TEX14: variants seen among roughly 807,000 people sequenced by gnomAD.
The protein encoded by TEX14 is testis expressed 14, intercellular bridge forming factor, also known as inactive serine/threonine-protein kinase TEX14.
A neutral mutation model predicts 178.6 loss-of-function variants in TEX14; 168 were observed. That is an observed-to-expected ratio of 0.94 (90% confidence interval 0.83 to 1.07). TEX14 has a LOEUF of 1.07. Ranked by LOEUF, TEX14 falls within the 50% of genes least tolerant of loss-of-function variation. The pLI is 0.00. For synonymous variants in TEX14, 626 were observed against 634.1 expected, an observed-to-expected ratio of 0.99 and a Z score of 0.19; for missense variants, 1,730 against 1,753.6, an observed-to-expected ratio of 0.99 and a Z score of 0.24.
intron 5 of TEX14, among the ~76,000 whole-genome samples, chr17:58,621,107 C>G (rs2045987389): frequency 6.6e-6 from 1 of 152,190 alleles, no homozygotes; most frequent in Non-Finnish European, 1.5e-5. Context: ...AAATGACACT[C>G]CTCCCTTCCA....
chr17:58,656,942 A>G (rs1186438212), intron 1 of TEX14, among the ~76,000 whole-genome samples: 2,510 of 149,852 alleles, frequency 0.017, 80 homozygotes, highest in African/African-American at 0.058. Context: ...AAAAAAAAAA[A>G]AAAAAAAGAA....
intron 19 of TEX14, among the ~76,000 whole-genome samples, chr17:58,580,375 G>A (rs376684977): frequency 6.6e-6 from 1 of 152,016 alleles, no homozygotes; most frequent in Non-Finnish European, 1.5e-5. Context: ...GCAGTGGCAC[G>A]ATCTCAGCTC....
chr17:58,614,324 T>C (rs1160352451), intron 8 of TEX14, among the ~76,000 whole-genome samples: 4 of 152,104 alleles, frequency 2.6e-5, no homozygotes, highest in Non-Finnish European at 5.9e-5. Context: ...ACCCTGTCTC[T>C]ACTGAAAATA....
chr17:58,611,979 G>T (rs2045755924), intron 9 of TEX14, among the ~76,000 whole-genome samples: 1 of 152,148 alleles, frequency 6.6e-6, no homozygotes, highest in South Asian at 2.1e-4. Context: ...AGCCCTTCTT[G>T]GGGTCTCCTT....
intron 15 of TEX14, 41 bp from the exon 16 acceptor site, chr17:58,588,062 A>G (rs2045026042): frequency 1.3e-6 from 1 of 797,056 alleles, no homozygotes; most frequent in African/African-American, 1.7e-5. Flanking sequence ...CTCTAAGAGT[A>G]TTTTTAGTTT....
rs1361038893 is a variant in TEX14, at chr17:58,557,168, T to C, written c.4320-121A>G. ...AATTCAAGGGAAAGGAATTTTGGTC[T>C]TTATAATCAAGGGCGATTATAACCA... On this transcript the variant is annotated intron_variant, in intron 31 of 31. Transcript: ENST00000349033. 1.9e-5 allele frequency: 16 copies of C among 843,650 alleles called. No homozygotes were observed. The East Asian group carries it at 3.8e-4, about 20-fold the overall frequency. 52.3% of individuals were successfully genotyped at this position (843,650 alleles called of 1,614,324 possible).
intron 1 of TEX14, among the ~76,000 whole-genome samples, chr17:58,684,234 G>A (rs549650606): frequency 6.6e-6 from 1 of 151,882 alleles, no homozygotes; most frequent in Non-Finnish European, 1.5e-5. Context: ...GGCCTTGGCG[G>A]GTGGATCACC....
chr17:58,639,694 G>A (rs888113595), intron 2 of TEX14, among the ~76,000 whole-genome samples: 1 of 152,144 alleles, frequency 6.6e-6, no homozygotes, highest in African/African-American at 2.4e-5. Context: ...TGGTAAAGGT[G>A]CCTGGTCCCA....
chr17:58,585,258 T>C (rs1156357599), intron 18 of TEX14, among the ~76,000 whole-genome samples: 4 of 152,176 alleles, frequency 2.6e-5, no homozygotes, highest in African/African-American at 7.2e-5. Flanking sequence ...CAAAGGGACC[T>C]GTTTCAGTAA....
chr17:58,602,442 C>G lies in TEX14; in HGVS notation c.1485G>C (p.Met495Ile), dbSNP rs762155437. 5.6e-6 allele frequency: 9 copies of G among 1,613,926 alleles called. No individual in the cohort carries two copies. Among genetic ancestry groups the G allele is most frequent in the Middle Eastern group, 1.6e-4 (1 of 6,084 alleles). ...GAATATACCGGATATCTTGAAGGTT[C>G]ATAGTTCGGTCTTTCTGCTTGACGT... Reference protein sequence around the residue: ...GIHVKQKDRTMNLQDIRYILK... With the variant: ...GIHVKQKDRTINLQDIRYILK... The change falls in exon 12 of 32, where the codon ATG becomes ATC. Residue 495 changes from methionine to isoleucine, a missense_variant. Met to Ile is a conservative substitution (Grantham distance 10, BLOSUM62 1). This residue lies in a region of TEX14 where 789 missense variants were observed against 681.2 expected (regional missense o/e 1.16). Transcript: ENST00000349033.
intron 5 of TEX14, among the ~76,000 whole-genome samples, chr17:58,618,610 C>T (rs997811507): frequency 3.3e-5 from 5 of 152,240 alleles, no homozygotes; most frequent in African/African-American, 9.6e-5. Context: ...AAAGATCCTA[C>T]TGCCACCAGA....
At chr17:58,627,880 T>C (rs1243768928) in intron 3 of TEX14, among the ~76,000 whole-genome samples, 1 of 148,312 alleles carries the variant, frequency 6.7e-6, no homozygotes, top group Non-Finnish European at 1.5e-5. Flanking sequence ...CACGGGTATA[T>C]GCAAACATCA....
At chr17:58,630,105 G>A (rs2046252005) in intron 3 of TEX14, among the ~76,000 whole-genome samples, 1 of 150,874 alleles carries the variant, frequency 6.6e-6, no homozygotes, top group African/African-American at 2.4e-5. Context: ...TGCCCAGGCT[G>A]GGGTACAATG....
At position 58,663,777 on chromosome 17, in the gene TEX14, C is replaced by G. The variant is rs536412949; in HGVS notation, c.-1-11775G>C. ...GCCAATGTGCCAGGCCACTAAATGT[C>G]TTACTCAACACCCTGAGTTGTGGGG... On this transcript the variant is annotated intron_variant, in intron 1 of 31. Coordinates refer to ENST00000349033, the MANE Select transcript of TEX14 (RefSeq NM_031272.5). 2.0e-5 allele frequency among the ~76,000 whole-genome samples: 3 copies of G among 152,262 alleles called. No individual in the cohort carries two copies. The South Asian group carries it at 6.2e-4, about 32-fold the overall frequency.
In TEX14 at chr17:58,617,442, G is replaced by A. The variant is rs569496727; in HGVS notation, c.636+96C>T. ...AAAGAAAAGAACAACACTTTGGTGAGGATAAGGAGGCAGGAGTTGGACAAA... is the reference window on the plus strand; with the variant it reads ...AAAGAAAAGAACAACACTTTGGTGAAGATAAGGAGGCAGGAGTTGGACAAA... On this transcript the variant is annotated intron_variant, in intron 6 of 31. Transcript: ENST00000349033. 8.6e-5 allele frequency: 73 copies of A among 848,562 alleles called. 1 individual carries two copies. The South Asian group carries it at 8.8e-4, about 10-fold the overall frequency. 52.6% of individuals were successfully genotyped at this position (848,562 alleles called of 1,614,324 possible). A position where few individuals can be genotyped will look rare whatever the true frequency, so the allele number is the denominator to read the frequency against.
chr17:58,563,192 C>T (rs944736475), intron 28 of TEX14, among the ~76,000 whole-genome samples: 5 of 152,082 alleles, frequency 3.3e-5, no homozygotes, highest in South Asian at 4.2e-4. Context: ...CTAGTCCTGG[C>T]CCCGAATAAT....
At chr17:58,678,085 G>A (rs2047424350) in intron 1 of TEX14, among the ~76,000 whole-genome samples, 1 of 152,208 alleles carries the variant, frequency 6.6e-6, no homozygotes, top group Non-Finnish European at 1.5e-5. Context: ...GGTAGGCAGA[G>A]GTTGCAGTGA....
intron 1 of TEX14, among the ~76,000 whole-genome samples, chr17:58,686,512 G>C (rs1306830651): frequency 1.3e-5 from 2 of 152,080 alleles, no homozygotes; most frequent in African/African-American, 4.8e-5. Context: ...AGAGGGTCAG[G>C]GCTAGAAATA....
chr17:58,617,758 G>A (rs906120411), intron 5 of TEX14, 139 bp from the exon 6 acceptor site: 17 of 600,760 alleles, frequency 2.8e-5, no homozygotes, highest in Non-Finnish European at 4.1e-5. Context: ...TAGAGATGAT[G>A]TAACAGCCAG....
Sources: gnomAD v4.1 joint callset for allele counts (sites outside exome capture counted in the v4.1 genomes callset) on GRCh38, gnomAD v4.1.1 for gene constraint, gnomAD v4.1.1 regional missense constraint, MANE v1.5 for transcripts, NCBI Gene and HGNC (gene_info 2026-07-23, HGNC 2026-07-21) for gene names.